ADGRB3: variants seen among roughly 807,000 people sequenced by gnomAD.
ADGRB3 encodes the protein brain-specific angiogenesis inhibitor 3.
ADGRB3 carries 37 observed loss-of-function variants against 193.4 expected under a neutral mutation model. The observed-to-expected ratio is 0.19, with a 90% confidence interval of 0.15 to 0.25. ADGRB3 has a LOEUF of 0.25. Among genes scored for constraint, ADGRB3 ranks in the 10% least tolerant of loss-of-function variants. The pLI is 1.00. For synonymous variants in ADGRB3, 690 were observed against 644.2 expected (o/e 1.07, Z -1.08); for missense variants, 1,637 against 1,852.9 (o/e 0.88, Z 2.14).
intron 21 of ADGRB3, among the ~76,000 whole-genome samples, chr6:69,325,286 A>G (rs901157155): frequency 2.0e-5 from 3 of 152,172 alleles, no homozygotes; most frequent in Non-Finnish European, 4.4e-5. Context: ...ATGCCTACAC[A>G]CAGAAAAACA....
At chr6:68,981,569 A>G (rs912599953) in intron 10 of ADGRB3, among the ~76,000 whole-genome samples, 21 of 151,684 alleles carry the variant, frequency 1.4e-4, no homozygotes, top group Admixed American at 1.3e-3. Context: ...AACTGCTTCT[A>G]TAAGAACAAG....
At chr6:69,174,074 CT>C (rs35490311) in intron 17 of ADGRB3, among the ~76,000 whole-genome samples, 3 of 113,474 alleles carry the variant, frequency 2.6e-5, no homozygotes, top group African/African-American at 6.6e-5. Flanking sequence ...GTACTTTTTT[CT>C]TTTTTTAAGA....
chr6:69,119,013 G>A (rs942999758), intron 17 of ADGRB3, among the ~76,000 whole-genome samples: 4 of 152,038 alleles, frequency 2.6e-5, no homozygotes. Flanking sequence ...AAAAGAATTA[G>A]AGCTGCTGTT....
chr6:69,062,147 C>A (rs1014305385), intron 15 of ADGRB3, among the ~76,000 whole-genome samples: 2 of 151,800 alleles, frequency 1.3e-5, no homozygotes, highest in African/African-American at 4.8e-5. Context: ...AAAATTAAAT[C>A]ATCTTTAAAT....
intron 3 of ADGRB3, among the ~76,000 whole-genome samples, chr6:68,749,408 A>ATGTGTGTGTGTG (rs60078030): frequency 2.5e-4 from 34 of 136,564 alleles, no homozygotes; most frequent in Middle Eastern, 3.7e-3. Flanking sequence ...ATATATATAT[A>ATGTGTGTGTGTG]TGTGTGTGTG....
intron 13 of ADGRB3, among the ~76,000 whole-genome samples, chr6:69,024,816 G>A (rs889428310): frequency 6.6e-6 from 1 of 152,172 alleles, no homozygotes; most frequent in Non-Finnish European, 1.5e-5. Context: ...AAGGCGACCG[G>A]GCACGGTGGC....
rs1415820951 is a variant in ADGRB3 at position 68,956,795 on chromosome 6, A to C, written c.1511A>C (p.Glu504Ala). ...GGCGAAGAAGTGAGAAGATGCAATG[A>C]GCAGCGATGCCCTGGTGAGAATGAA... The part of the protein sequence containing the change: ...GTGEEVRRCN[E>A]QRCPAPYEIC... The change falls in exon 8 of 32, where the codon GAG (glutamate) becomes GCG (alanine). Residue 504 changes from glutamate to alanine, a missense_variant. Physicochemically the swap from Glu to Ala is moderately radical, Grantham distance 107. Coordinates refer to ENST00000370598, the MANE Select transcript of ADGRB3 (RefSeq NM_001704.3). 2 of 1,613,782 alleles carry C rather than the reference A, an allele frequency of 1.2e-6. No individual in the cohort carries two copies. The highest frequency in any genetic ancestry group is 1.7e-6 in the Non-Finnish European group (2 of 1,179,770).
chr6:69,324,303 A>T (rs1389077388), intron 20 of ADGRB3, among the ~76,000 whole-genome samples: 3 of 152,160 alleles, frequency 2.0e-5, no homozygotes, highest in Non-Finnish European at 4.4e-5. Context: ...TTTAAAATAC[A>T]TATTTTATTT....
chr6:68,713,643 G>T (rs987180707), intron 3 of ADGRB3, among the ~76,000 whole-genome samples: 1 of 150,700 alleles, frequency 6.6e-6, no homozygotes, highest in Non-Finnish European at 1.5e-5. Flanking sequence ...CTTGTTAATA[G>T]ATTGCCCTCT....
intron 17 of ADGRB3, among the ~76,000 whole-genome samples, chr6:69,094,133 C>T (rs868147593): frequency 1.3e-5 from 2 of 151,982 alleles, no homozygotes; most frequent in Non-Finnish European, 2.9e-5. Flanking sequence ...CTACTATGAC[C>T]GAAACCAACA....
intron 3 of ADGRB3, among the ~76,000 whole-genome samples, chr6:68,867,008 T>G (rs988220004): frequency 6.6e-6 from 1 of 152,150 alleles, no homozygotes; most frequent in Non-Finnish European, 1.5e-5. Context: ...ACTGACCATG[T>G]GGTAGAAAAG....
chr6:68,884,229 C>T (rs528308240), intron 3 of ADGRB3, among the ~76,000 whole-genome samples: 83 of 152,262 alleles, frequency 5.5e-4, no homozygotes, highest in African/African-American at 1.9e-3. Context: ...GCACTTCGTT[C>T]ATGTAAGGCA....
chr6:68,865,607 G>T (rs753611742), intron 3 of ADGRB3, among the ~76,000 whole-genome samples: 1 of 152,128 alleles, frequency 6.6e-6, no homozygotes, highest in Non-Finnish European at 1.5e-5. Flanking sequence ...TGCTGTAACT[G>T]CAGGGGTCCC....
At chr6:69,200,502 T>G (rs1012003493) in intron 17 of ADGRB3, among the ~76,000 whole-genome samples, 23 of 152,126 alleles carry the variant, frequency 1.5e-4, no homozygotes, top group Non-Finnish European at 1.5e-5. Context: ...TCATGACACC[T>G]GAGACAAAAT....
At chr6:68,771,968 C>T (rs1279079805) in intron 3 of ADGRB3, among the ~76,000 whole-genome samples, 1 of 152,090 alleles carries the variant, frequency 6.6e-6, no homozygotes, top group Non-Finnish European at 1.5e-5. Context: ...GCATTAACAC[C>T]TCTACAGCTC....
At chr6:69,254,864 C>A (rs1209371237) in intron 20 of ADGRB3, among the ~76,000 whole-genome samples, 6 of 121,200 alleles carry the variant, frequency 5.0e-5, no homozygotes, top group East Asian at 2.9e-4. Flanking sequence ...CCCCTCCCCC[C>A]ACCCCACAAC....
chr6:69,084,713 T>C (rs1028875919), intron 17 of ADGRB3, among the ~76,000 whole-genome samples: 1 of 152,136 alleles, frequency 6.6e-6, no homozygotes, highest in African/African-American at 2.4e-5. Flanking sequence ...TAATATGAAA[T>C]AAAGTATGAT....
At chr6:68,696,110 G>T (rs542366985) in intron 3 of ADGRB3, among the ~76,000 whole-genome samples, 1 of 151,904 alleles carries the variant, frequency 6.6e-6, no homozygotes, top group Non-Finnish European at 1.5e-5. Context: ...CTGAAATCCC[G>T]TTATCAATGG....
intron 8 of ADGRB3, among the ~76,000 whole-genome samples, chr6:68,972,725 A>G (rs1768622878): frequency 6.6e-6 from 1 of 152,170 alleles, no homozygotes; most frequent in Non-Finnish European, 1.5e-5. Flanking sequence ...TATGCTTGAA[A>G]TTATCCAAGA....
Sources: gnomAD v4.1 joint callset for allele counts (sites outside exome capture counted in the v4.1 genomes callset) on GRCh38, gnomAD v4.1.1 for gene constraint, MANE v1.5 for transcripts, NCBI Gene and HGNC (gene_info 2026-07-23, HGNC 2026-07-21) for gene names.